GET1: variants seen among roughly 807,000 people sequenced by gnomAD.
The protein encoded by GET1 is congenital heart disease 5 protein.
Under a neutral mutation model 22.6 loss-of-function variants are expected in GET1, and 20 were observed. The ratio of observed to expected loss-of-function variants is 0.89; its 90% CI spans 0.62 to 1.29. The LOEUF (loss-of-function observed/expected upper bound fraction) is 1.29, where lower values mean the gene tolerates loss of function less well. Ranked by LOEUF, GET1 falls within the 50% of genes most tolerant of loss-of-function variation. The pLI is 0.00. For missense variants in GET1, 209 were observed against 219.9 expected, an observed-to-expected ratio of 0.95 and a Z score of 0.31; for synonymous variants, 92 against 83.8, an observed-to-expected ratio of 1.10 and a Z score of -0.53.
chr21:39,411,301 C>T (rs185614472), downstream of GET1, among the ~76,000 whole-genome samples: 58 of 152,186 alleles, frequency 3.8e-4, no homozygotes, highest in East Asian at 0.011. Flanking sequence ...GTGGCTCCAT[C>T]GGTATAAACA....
At chr21:39,416,623 G>T (rs2041208540) in intron 1 of GET1, among the ~76,000 whole-genome samples, 2 of 151,920 alleles carry the variant, frequency 1.3e-5, no homozygotes, top group South Asian at 4.2e-4. Context: ...TCAAAATCAG[G>T]ACTATAGGAT....
chr21:39,417,153 C>T (rs1005435986), intron 1 of GET1, among the ~76,000 whole-genome samples: 1 of 152,212 alleles, frequency 6.6e-6, no homozygotes, highest in Non-Finnish European at 1.5e-5. Flanking sequence ...CTGCCCCAGC[C>T]TCCTGAGTAG....
At chr21:39,411,041 G>C (rs2040009287), downstream of GET1, 1 of 410,216 alleles carries the variant, frequency 2.4e-6, no homozygotes, top group Admixed American at 2.9e-5. Flanking sequence ...ACCAATGAGA[G>C]GTATACACTA....
At chr21:39,391,923 C>A in intron 3 of GET1, 87 bp downstream of exon 3, 1 of 1,312,798 alleles carries the variant, frequency 7.6e-7, no homozygotes, top group South Asian at 1.2e-5. Context: ...GCTGGGAGTT[C>A]GGGCTGTTCC....
chr21:39,416,534 C>T (rs1452919607), intron 1 of GET1, among the ~76,000 whole-genome samples: 1 of 152,120 alleles, frequency 6.6e-6, no homozygotes, highest in Non-Finnish European at 1.5e-5. Flanking sequence ...GGATATGGAA[C>T]TTACAGACCA....
chr21:39,385,927 A>G (rs1380007006), intron 1 of GET1, among the ~76,000 whole-genome samples: 1 of 151,870 alleles, frequency 6.6e-6, no homozygotes, highest in Non-Finnish European at 1.5e-5. Context: ...GCGCCCTAGG[A>G]CTGGCGCTGG....
chr21:39,398,618 T>G (rs985094471), downstream of GET1, among the ~76,000 whole-genome samples: 48 of 150,954 alleles, frequency 3.2e-4, 1 homozygote, highest in African/African-American at 1.1e-3. Context: ...ACAGTTTTTT[T>G]TTTTTTTTTT....
intron 1 of GET1, among the ~76,000 whole-genome samples, chr21:39,412,413 T>C (rs1207047997): frequency 6.6e-6 from 1 of 152,200 alleles, no homozygotes; most frequent in Non-Finnish European, 1.5e-5. Flanking sequence ...CCTTAACTTG[T>C]TGAGGAACAA....
chr21:39,396,728 G>A (rs2038680740), intron 4 of GET1, 138 bp from the exon 5 acceptor site: 2 of 585,584 alleles, frequency 3.4e-6, no homozygotes, highest in African/African-American at 3.9e-5. Context: ...TTGAACCTAT[G>A]AAACATAAAC....
chr21:39,391,814 G>C lies in GET1; in HGVS notation c.314G>C (p.Ser105Thr). The C allele has an allele frequency of 1.9e-6, 3 of 1,614,190 alleles. No individual in the cohort carries two copies. The highest frequency in any genetic ancestry group is 2.5e-6 in the Non-Finnish European group (3 of 1,180,020). Residue 105 changes from serine (S) to threonine (T), a missense_variant, in exon 3 of 5, where the codon AGT becomes ACT. Physicochemically the swap from Ser to Thr is moderately conservative, Grantham distance 58 (BLOSUM62 1). Coordinates refer to ENST00000649170, the MANE Select transcript of GET1 (RefSeq NM_004627.6). The stretch of plus-strand genomic sequence containing the variant: ...TTAGCCAAGATAAAATGGGTGATAA[G>C]TGTCGCTTTCTACGTATTGCAGGTA... ...AQLAKIKWVI[S>T]VAFYVLQAAL...
intron 1 of GET1, among the ~76,000 whole-genome samples, chr21:39,390,298 G>A (rs1018298602): frequency 1.3e-5 from 2 of 152,168 alleles, no homozygotes; most frequent in Admixed American, 1.3e-4. Flanking sequence ...AGCACTAAAC[G>A]CCAGGGTGAT....
In GET1 at chr21:39,387,872, A is replaced by AGGGG. The variant is rs143349356; in HGVS notation, c.103-2820_103-2817dup. ...AGGAGACCTGTAAGCTGGAAGGGGG[A>AGGGG]GGGGGGGGGATCTGATTTATTGTGT... is the stretch of plus-strand genomic sequence containing the variant. On this transcript the variant is annotated intron_variant, in intron 1 of 4. Coordinates refer to ENST00000649170, the MANE Select transcript of GET1 (RefSeq NM_004627.6). The AGGGG allele has an allele frequency of 3.7e-6, 3 of 816,632 alleles. No homozygotes were observed. In the African/African-American group the frequency reaches 5.8e-5, roughly 16 times the overall value. 50.6% of individuals were successfully genotyped at this position (816,632 alleles called of 1,614,324 possible).
At chr21:39,425,410 A>T (rs2074495294) in intron 1 of GET1, among the ~76,000 whole-genome samples, 1 of 152,240 alleles carries the variant, frequency 6.6e-6, no homozygotes, top group Non-Finnish European at 1.5e-5. Context: ...ACAGTATAAC[A>T]TCAATAACTG....
chr21:39,418,337 A>G (rs2041669996), intron 1 of GET1, among the ~76,000 whole-genome samples: 1 of 152,114 alleles, frequency 6.6e-6, no homozygotes, highest in East Asian at 1.9e-4. Flanking sequence ...AAGATTCTTC[A>G]TTGCTGTTTA....
chr21:39,424,094 C>T (rs2074220297), intron 1 of GET1, among the ~76,000 whole-genome samples: 1 of 152,050 alleles, frequency 6.6e-6, no homozygotes, highest in African/African-American at 2.4e-5. Flanking sequence ...CTCACTGCAA[C>T]CTCTGCATCC....
At chr21:39,380,993 AC>A in intron 1 of GET1, 1 of 976,718 alleles carries the variant, frequency 1.0e-6, no homozygotes, top group Non-Finnish European at 1.2e-6. Context: ...CAAGGGAGCA[AC>A]CAGGTTGGGG....
Position 39,393,671 on chromosome 21 carries a change from T to C in GET1, c.451+391T>C, listed in dbSNP as rs12627248. ...TCTTTTATTTTTTATTTTTTGAGACTGAGTCTCACTCCGTCACCCAGGCTG... is the reference window on the plus strand; with the variant it reads ...TCTTTTATTTTTTATTTTTTGAGACCGAGTCTCACTCCGTCACCCAGGCTG... On this transcript the variant is annotated intron_variant, in intron 4 of 4. Transcript: ENST00000649170. 7.2e-4 allele frequency among the ~76,000 whole-genome samples: 110 copies of C among 152,256 alleles called. No individual in the cohort carries two copies. In the East Asian group the frequency reaches 0.02, roughly 27 times the overall value.
At chr21:39,417,047 T>A (rs2041313216) in intron 1 of GET1, among the ~76,000 whole-genome samples, 1 of 152,216 alleles carries the variant, frequency 6.6e-6, no homozygotes, top group Non-Finnish European at 1.5e-5. Flanking sequence ...TTTATTTTAT[T>A]TTTGAGACAG....
At chr21:39,421,065 GTTTT>G (rs913759969) in intron 1 of GET1, among the ~76,000 whole-genome samples, 33 of 147,280 alleles carry the variant, frequency 2.2e-4, no homozygotes, top group Admixed American at 1.9e-3. Flanking sequence ...TTTGGAGCCT[GTTTT>G]TTACATACTC....
Sources: allele counts gnomAD v4.1 joint callset (sites outside exome capture counted in the v4.1 genomes callset), GRCh38; gene constraint gnomAD v4.1.1; transcripts MANE v1.5; gene names NCBI Gene and HGNC (gene_info 2026-07-23, HGNC 2026-07-21).